Variants in TSC22D3 observed in about 807,000 individuals in gnomAD.
TSC22D3 encodes TSC22 domain family protein 3.
A neutral mutation model predicts 11.1 loss-of-function variants in TSC22D3; 4 were observed. The observed-to-expected ratio is 0.36, with a 90% confidence interval of 0.18 to 0.83. TSC22D3 has a LOEUF of 0.83. Among genes scored for constraint, TSC22D3 ranks in the 40% least tolerant of loss-of-function variants. TSC22D3 has a pLI of 0.48. For missense variants in TSC22D3, 118 were observed against 159.4 expected (o/e 0.74, Z 1.40); for synonymous variants, 77 against 70.3 (o/e 1.10, Z -0.48).
At chrX:107,769,485 GA>G (rs1321476021) in intron 1 of TSC22D3, among the ~76,000 whole-genome samples, 1 of 111,292 alleles carries the variant, frequency 9.0e-6, no homozygotes, top group African/African-American at 3.3e-5. Context: ...AGTGGGAGGG[GA>G]AAATAGGGAA....
intron 1 of TSC22D3, among the ~76,000 whole-genome samples, chrX:107,741,458 T>A (rs1207244287): frequency 8.9e-6 from 1 of 112,821 alleles, no homozygotes; most frequent in Non-Finnish European, 1.9e-5. Flanking sequence ...GAGAAATGAA[T>A]CCAAGTCATT....
At chrX:107,768,943 C>T (rs981960717) in intron 1 of TSC22D3, among the ~76,000 whole-genome samples, 7 of 112,757 alleles carry the variant, frequency 6.2e-5, no homozygotes, top group African/African-American at 2.3e-4. Context: ...CAGGCAGCAC[C>T]ATCACTTTGC....
In TSC22D3 at chrX:107,775,597, T is replaced by G; in HGVS notation, c.-178A>C. 1 of 391,047 alleles carries G rather than the reference T, an allele frequency of 2.6e-6. No individual in the cohort carries two copies. 32.2% of individuals were successfully genotyped at this position (391,047 alleles called of 1,213,427 possible). A position where few individuals can be genotyped will look rare whatever the true frequency, so the allele number is the denominator to read the frequency against. ...CGGCTCGGCCCCCTTCTGGCTGTAC[T>G]GCTCCGGGTGCGAATAGAAACAGCT... On this transcript the variant is annotated 5_prime_UTR_variant, in exon 1 of 3. Transcript: ENST00000372383.
intron 1 of TSC22D3, among the ~76,000 whole-genome samples, chrX:107,771,446 G>A (rs1929902790): frequency 9.0e-6 from 1 of 111,609 alleles, no homozygotes. Flanking sequence ...TTAGCCGAGT[G>A]TGGTGGCGTG....
intron 1 of TSC22D3, among the ~76,000 whole-genome samples, chrX:107,721,215 C>T (rs934855543): frequency 1.8e-5 from 2 of 111,982 alleles, no homozygotes; most frequent in Non-Finnish European, 3.8e-5. Flanking sequence ...GTAATGAGGA[C>T]AGGGCCAATT....
intron 1 of TSC22D3, among the ~76,000 whole-genome samples, chrX:107,774,551 A>C (rs1448548595): frequency 9.0e-6 from 1 of 111,295 alleles, no homozygotes; most frequent in Admixed American, 9.5e-5. Flanking sequence ...GAGGCTCAAG[A>C]AATTCTCACA....
At chrX:107,716,262 T>G in intron 1 of TSC22D3, 1 of 930,086 alleles carries the variant, frequency 1.1e-6, no homozygotes, top group Non-Finnish European at 1.3e-6. Flanking sequence ...AATGGGGCTG[T>G]GCGACCCGGG....
At chrX:107,729,116 G>A (rs941268330) in intron 1 of TSC22D3, among the ~76,000 whole-genome samples, 2 of 112,608 alleles carry the variant, frequency 1.8e-5, no homozygotes, top group Non-Finnish European at 3.8e-5. Context: ...TTATGAAGAT[G>A]TCGTGAGGAG....
chrX:107,729,974 G>C (rs1927810565), intron 1 of TSC22D3, among the ~76,000 whole-genome samples: 1 of 112,444 alleles, frequency 8.9e-6, no homozygotes, highest in Non-Finnish European at 1.9e-5. Flanking sequence ...TTAACAAGAG[G>C]GCAGGGATGG....
At chrX:107,754,319 G>GT (rs1302504913) in intron 1 of TSC22D3, among the ~76,000 whole-genome samples, 1 of 111,443 alleles carries the variant, frequency 9.0e-6, no homozygotes, top group Non-Finnish European at 1.9e-5. Flanking sequence ...CCCTAGCCAT[G>GT]TGAAACTCAG....
At chrX:107,744,056 A>C (rs928447913) in intron 1 of TSC22D3, among the ~76,000 whole-genome samples, 16 of 112,466 alleles carry the variant, frequency 1.4e-4, no homozygotes, top group African/African-American at 5.2e-4. Flanking sequence ...CTCCGTGGCC[A>C]GACTGTAGGT....
At chrX:107,716,288 G>A (rs983712616) in intron 1 of TSC22D3, 3 of 923,883 alleles carry the variant, frequency 3.2e-6, no homozygotes, top group Non-Finnish European at 4.0e-6. Flanking sequence ...CCCCACAGCC[G>A]GCCTACAAGG....
intron 1 of TSC22D3, among the ~76,000 whole-genome samples, chrX:107,720,018 G>C (rs1016506843): frequency 9.0e-6 from 1 of 111,182 alleles, no homozygotes; most frequent in Non-Finnish European, 1.9e-5. Context: ...ACGTGTAGGA[G>C]AGTGTACAAT....
chrX:107,762,312 T>C (rs1797076731), intron 1 of TSC22D3, among the ~76,000 whole-genome samples: 1 of 111,807 alleles, frequency 8.9e-6, no homozygotes, highest in Admixed American at 9.5e-5. Context: ...ACAAGAGAGC[T>C]GAAGGATGAT....
intron 1 of TSC22D3, among the ~76,000 whole-genome samples, chrX:107,751,716 G>C (rs1197674691): frequency 1.8e-5 from 2 of 112,129 alleles, no homozygotes; most frequent in Admixed American, 9.4e-5. Flanking sequence ...CTAAACTGGG[G>C]ACTTCACCTA....
chrX:107,746,499 CT>C (rs1419426766), intron 1 of TSC22D3, among the ~76,000 whole-genome samples: 1 of 111,329 alleles, frequency 9.0e-6, no homozygotes, highest in Non-Finnish European at 1.9e-5. Flanking sequence ...CATCCTGACT[CT>C]CCAGGAGTAC....
At chrX:107,734,458 G>A (rs1928031638) in intron 1 of TSC22D3, among the ~76,000 whole-genome samples, 1 of 112,471 alleles carries the variant, frequency 8.9e-6, no homozygotes, top group African/African-American at 3.2e-5. Context: ...GACCTTGCTA[G>A]ATCTTGCCAG....
intron 1 of TSC22D3, among the ~76,000 whole-genome samples, chrX:107,744,129 G>A (rs944863180): frequency 3.6e-5 from 4 of 111,930 alleles, no homozygotes; most frequent in African/African-American, 1.3e-4. Context: ...CAATCAGGTC[G>A]ATCGATTTAA....
intron 1 of TSC22D3, among the ~76,000 whole-genome samples, chrX:107,728,652 T>C (rs1466027025): frequency 8.9e-6 from 1 of 112,117 alleles, no homozygotes; most frequent in African/African-American, 3.2e-5. Context: ...GCTGGAATGA[T>C]GGGAGTGGGG....
Sources: gnomAD v4.1 joint callset for allele counts (sites outside exome capture counted in the v4.1 genomes callset) on GRCh38, gnomAD v4.1.1 for gene constraint, MANE v1.5 for transcripts, NCBI Gene and HGNC (gene_info 2026-07-23, HGNC 2026-07-21) for gene names.